Variants in UNC13C observed in about 807,000 individuals in gnomAD.
UNC13C encodes the protein unc-13 homolog C, also known as protein unc-13 homolog C.
UNC13C carries 174 observed loss-of-function variants against 245.4 expected under a neutral mutation model. That is an observed-to-expected ratio of 0.71 (90% CI 0.63 to 0.80). The LOEUF is 0.80. Among genes scored for constraint, UNC13C ranks in the 30% least tolerant of loss-of-function variants. The probability of loss-of-function intolerance (pLI) is 0.00; values close to 1 mark genes in which losing one functional copy is unlikely to be tolerated. For missense variants in UNC13C, 2,829 were observed against 2,602.9 expected (o/e 1.09, Z -1.89); for synonymous variants, 992 against 895.1 (o/e 1.11, Z -1.93).
chr15:54,508,860 G>A (rs1894599266), intron 23 of UNC13C, among the ~76,000 whole-genome samples: 1 of 152,012 alleles, frequency 6.6e-6, no homozygotes, highest in African/African-American at 2.4e-5. Context: ...TATTTCATCT[G>A]CAAATTGAGC....
chr15:54,545,662 C>A (rs994468274), intron 26 of UNC13C, among the ~76,000 whole-genome samples: 10 of 152,072 alleles, frequency 6.6e-5, no homozygotes. Context: ...TGAACAGACA[C>A]TTCTCAAAAG....
Position 54,014,989 on chromosome 15 carries a change from G to A in UNC13C, c.2086G>A (p.Glu696Lys). ...GCTTGATGTTTACAATAAAGACCTA[G>A]AATACTTGGGAAAGTGCCACAGTGA... ...QQLDVYNKDL[E>K]YLGKCHSDLQ... Residue 696 changes from glutamate (E) to lysine (K), a missense_variant, in exon 2 of 33, where the codon GAA (glutamate) becomes AAA (lysine). Glu to Lys is a moderately conservative substitution (Grantham distance 56). Transcript: ENST00000260323. 1 of 1,613,678 alleles carries A rather than the reference G, an allele frequency of 6.2e-7. No homozygotes were observed. Among genetic ancestry groups the A allele is most frequent in the Non-Finnish European group, 8.5e-7 (1 of 1,179,822 alleles).
At chr15:54,469,885 T>C (rs552539694) in intron 19 of UNC13C, among the ~76,000 whole-genome samples, 1 of 151,724 alleles carries the variant, frequency 6.6e-6, no homozygotes, top group African/African-American at 2.4e-5. Context: ...TGATGTTAAC[T>C]GTGAGCATGT....
intron 1 of UNC13C, among the ~76,000 whole-genome samples, chr15:53,980,148 C>G (rs1274428043): frequency 6.6e-6 from 1 of 152,120 alleles, no homozygotes; most frequent in Non-Finnish European, 1.5e-5. Context: ...TTTATGCATA[C>G]TGTAAAGTAA....
chr15:54,016,509 T>A (rs1895665901), intron 2 of UNC13C, among the ~76,000 whole-genome samples: 1 of 152,180 alleles, frequency 6.6e-6, no homozygotes, highest in African/African-American at 2.4e-5. Context: ...TCACAAGCTA[T>A]TCTTTGAGAA....
intron 2 of UNC13C, among the ~76,000 whole-genome samples, chr15:54,088,438 A>C (rs1350374191): frequency 6.6e-6 from 1 of 152,084 alleles, no homozygotes; most frequent in African/African-American, 2.4e-5. Flanking sequence ...ATCGGTGACA[A>C]TGTGATTATA....
At chr15:54,198,177 C>T (rs182543673) in intron 4 of UNC13C, among the ~76,000 whole-genome samples, 1 of 152,054 alleles carries the variant, frequency 6.6e-6, no homozygotes, top group Non-Finnish European at 1.5e-5. Context: ...CAAGCCCTGC[C>T]GAAGGAGGGG....
At chr15:54,045,132 G>A (rs1469760848) in intron 2 of UNC13C, among the ~76,000 whole-genome samples, 1 of 151,988 alleles carries the variant, frequency 6.6e-6, no homozygotes, top group Non-Finnish European at 1.5e-5. Context: ...TGGTATCATA[G>A]CTAACCATTG....
At chr15:54,092,121 C>T (rs546828694) in intron 2 of UNC13C, among the ~76,000 whole-genome samples, 9 of 152,168 alleles carry the variant, frequency 5.9e-5, no homozygotes, top group Non-Finnish European at 1.3e-4. Flanking sequence ...TTCAAGGCTT[C>T]GGCTGTGTTC....
intron 13 of UNC13C, among the ~76,000 whole-genome samples, chr15:54,307,101 G>T (rs11071068): frequency 0.4 from 61,422 of 151,814 alleles, 12,692 homozygotes; most frequent in East Asian, 0.6. Context: ...ATTTTCTGAG[G>T]ATGTAAGTAT....
At chr15:53,858,697 G>T in the UNC13C span, among the ~76,000 whole-genome samples, 1 of 152,054 alleles carries the variant, frequency 6.6e-6, no homozygotes, top group African/African-American at 2.4e-5. Flanking sequence ...GGGATTACAG[G>T]CATGAGCCAC....
At chr15:54,063,666 G>T (rs1897945163) in intron 2 of UNC13C, among the ~76,000 whole-genome samples, 1 of 152,022 alleles carries the variant, frequency 6.6e-6, no homozygotes, top group African/African-American at 2.4e-5. Flanking sequence ...TGAATTCTAG[G>T]GACCAGTAAA....
chr15:54,013,470 G>T lies in UNC13C; in HGVS notation c.567G>T (p.Lys189Asn). 1 of 1,613,868 alleles carries T rather than the reference G, an allele frequency of 6.2e-7. No homozygotes were observed. Among genetic ancestry groups the T allele is most frequent in the Non-Finnish European group, 8.5e-7 (1 of 1,179,862 alleles). The change falls in exon 2 of 33, where the codon AAG becomes AAT. Residue 189 changes from lysine to asparagine, a missense_variant. Physicochemically the swap from Lys to Asn is moderately conservative, Grantham distance 94. Transcript: ENST00000260323. ...GALRKLRKWK[K>N]SQECVSSDSE... Reference sequence around the variant, plus strand: ...TACGAAAACTGAGAAAATGGAAAAAGAGTCAAGAATGTGTCTCCTCAGACT... The same window carrying T: ...TACGAAAACTGAGAAAATGGAAAAATAGTCAAGAATGTGTCTCCTCAGACT...
chr15:54,340,176 G>T (rs1046132485), intron 17 of UNC13C, among the ~76,000 whole-genome samples: 5 of 152,036 alleles, frequency 3.3e-5, no homozygotes, highest in African/African-American at 1.2e-4. Flanking sequence ...TGTAGATTCT[G>T]GATATTAGTC....
chr15:53,893,226 G>A, the UNC13C span, among the ~76,000 whole-genome samples: 2 of 152,206 alleles, frequency 1.3e-5, no homozygotes, highest in Non-Finnish European at 2.9e-5. Context: ...TTCTCTGGAA[G>A]CTTTGTCCCA....
At chr15:54,453,459 A>T (rs1596401933) in intron 19 of UNC13C, among the ~76,000 whole-genome samples, 1 of 152,222 alleles carries the variant, frequency 6.6e-6, no homozygotes, top group Non-Finnish European at 1.5e-5. Flanking sequence ...CCCTCTTCAG[A>T]TGGTTACATA....
intron 13 of UNC13C, among the ~76,000 whole-genome samples, chr15:54,314,989 T>C (rs1298057165): frequency 6.6e-6 from 1 of 151,816 alleles, no homozygotes; most frequent in African/African-American, 2.4e-5. Flanking sequence ...TGGTCGTTCT[T>C]AATGAAAGCA....
chr15:54,203,721 CAT>C (rs891241096), intron 4 of UNC13C, among the ~76,000 whole-genome samples: 138 of 140,582 alleles, frequency 9.8e-4, no homozygotes, highest in Non-Finnish European at 1.1e-3. Context: ...TATATACACA[CAT>C]ATATACACAT....
chr15:54,243,625 C>T (rs907785552), intron 7 of UNC13C, among the ~76,000 whole-genome samples: 12 of 152,074 alleles, frequency 7.9e-5, no homozygotes, highest in African/African-American at 2.9e-4. Flanking sequence ...TTTCTGCAAC[C>T]ATGCCAGCAT....
Sources: gnomAD v4.1 joint callset for allele counts (sites outside exome capture counted in the v4.1 genomes callset) on GRCh38, gnomAD v4.1.1 for gene constraint, MANE v1.5 for transcripts, NCBI Gene and HGNC (gene_info 2026-07-23, HGNC 2026-07-21) for gene names.